SOX5: variants seen among roughly 807,000 people sequenced by gnomAD.
The protein encoded by SOX5 is SRY-box transcription factor 5.
Under a neutral mutation model 92.0 loss-of-function variants are expected in SOX5, and 9 were observed. The ratio of observed to expected loss-of-function variants is 0.10; its 90% CI spans 0.06 to 0.17. SOX5 has a LOEUF of 0.17. SOX5 is among the 10% of genes least tolerant of loss of function. The pLI, the probability that SOX5 is intolerant of heterozygous loss-of-function variation, is 1.00. For synonymous variants in SOX5, 344 were observed against 336.3 expected (o/e 1.02, Z -0.25); for missense variants, 642 against 944.5 (o/e 0.68, Z 4.20).
chr12:23,631,545 T>C (rs768545215), intron 8 of SOX5, among the ~76,000 whole-genome samples: 4 of 152,146 alleles, frequency 2.6e-5, no homozygotes, highest in Admixed American at 6.6e-5. Context: ...TTCTTTTATG[T>C]ATGTTTATTA....
chr12:23,831,402 T>G (rs967070759), intron 3 of SOX5, among the ~76,000 whole-genome samples: 3 of 152,024 alleles, frequency 2.0e-5, no homozygotes, highest in African/African-American at 7.2e-5. Flanking sequence ...AAGTGGGTGT[T>G]TTAGGATATT....
rs5797062 is a variant in SOX5, at chr12:24,094,454, CTTTT to C, written c.-2+118885_-2+118888del. The stretch of plus-strand genomic sequence containing the variant: ...TCCAATACCTCTCCACTATTAGTGG[CTTTT>C]TTTTTTTTTTTTGTATTTATTTAGA... On this transcript the variant is annotated intron_variant, in intron 4 of 4. Coordinates refer to the SOX5 transcript ENST00000446891. 8.6e-5 allele frequency among the ~76,000 whole-genome samples: 11 copies of C among 127,734 alleles called. No individual in the cohort carries two copies. In the East Asian group the frequency reaches 2.0e-3, roughly 24 times the overall value. The allele number at this position is 127,734 out of a possible 152,430, so 83.8% of individuals were successfully genotyped here.
chr12:23,570,905 C>A (rs1948074480), intron 10 of SOX5, among the ~76,000 whole-genome samples: 1 of 60,334 alleles, frequency 1.7e-5, no homozygotes, highest in Admixed American at 2.3e-4. Context: ...AGCAAGACTC[C>A]AACTCAAAAA....
At chr12:24,162,746 C>A (rs1370059433) in intron 4 of SOX5, among the ~76,000 whole-genome samples, 1 of 152,054 alleles carries the variant, frequency 6.6e-6, no homozygotes, top group Admixed American at 6.6e-5. Context: ...CCTTTTCTCT[C>A]AAGGTTATGG....
intron 3 of SOX5, among the ~76,000 whole-genome samples, chr12:24,239,569 TA>T (rs1405940966): frequency 6.6e-6 from 1 of 152,148 alleles, no homozygotes; most frequent in Non-Finnish European, 1.5e-5. Context: ...TGTGACCAGG[TA>T]ATACTGTCTG....
chr12:24,107,686 G>C (rs1331674825), intron 4 of SOX5, among the ~76,000 whole-genome samples: 2 of 152,192 alleles, frequency 1.3e-5, no homozygotes, highest in Non-Finnish European at 2.9e-5. Context: ...AGAGGATGAA[G>C]ACCTTGATAT....
intron 4 of SOX5, among the ~76,000 whole-genome samples, chr12:24,088,134 C>T (rs2137722792): frequency 6.6e-6 from 1 of 151,464 alleles, no homozygotes; most frequent in East Asian, 1.9e-4. Flanking sequence ...TCATTAATCT[C>T]ATCTTTAAAA....
chr12:23,585,581 G>T (rs1950611044), intron 9 of SOX5, among the ~76,000 whole-genome samples: 1 of 152,118 alleles, frequency 6.6e-6, no homozygotes, highest in Non-Finnish European at 1.5e-5. Context: ...CTTTAACCTA[G>T]ACTGAGTTCC....
chr12:24,326,232 T>G (rs1447961209), intron 2 of SOX5, among the ~76,000 whole-genome samples: 1 of 152,126 alleles, frequency 6.6e-6, no homozygotes, highest in African/African-American at 2.4e-5. Context: ...ATTCATGCCA[T>G]TCCTTATATA....
At chr12:24,529,434 A>G (rs1950984135) in intron 1 of SOX5, among the ~76,000 whole-genome samples, 2 of 152,250 alleles carry the variant, frequency 1.3e-5, no homozygotes, top group South Asian at 4.1e-4. Flanking sequence ...ATAATGAGAT[A>G]TAAATACTCA....
intron 1 of SOX5, among the ~76,000 whole-genome samples, chr12:23,948,112 AG>A (rs1944918122): frequency 6.6e-6 from 1 of 152,086 alleles, no homozygotes; most frequent in Non-Finnish European, 1.5e-5. Context: ...TGCAAATAAA[AG>A]CTCACTAATT....
intron 3 of SOX5, among the ~76,000 whole-genome samples, chr12:24,220,227 T>C (rs1436547290): frequency 1.3e-5 from 2 of 152,036 alleles, no homozygotes; most frequent in African/African-American, 2.4e-5. Flanking sequence ...ATCATTATCA[T>C]CAAGTAGATA....
At chr12:24,074,780 A>C (rs577613345) in intron 4 of SOX5, among the ~76,000 whole-genome samples, 6 of 152,152 alleles carry the variant, frequency 3.9e-5, no homozygotes, top group South Asian at 4.1e-4. Flanking sequence ...CATTTATCAC[A>C]CTTCTCTTGA....
At chr12:23,626,500 T>C (rs1453378430) in intron 8 of SOX5, among the ~76,000 whole-genome samples, 1 of 152,102 alleles carries the variant, frequency 6.6e-6, no homozygotes, top group Non-Finnish European at 1.5e-5. Flanking sequence ...ATTTTCAAGG[T>C]TCCAAAGCAT....
intron 4 of SOX5, among the ~76,000 whole-genome samples, chr12:24,164,857 A>G (rs1271151504): frequency 2.6e-5 from 4 of 152,042 alleles, no homozygotes; most frequent in Non-Finnish European, 5.9e-5. Flanking sequence ...TCTTTATGAC[A>G]TATTTTCCTG....
At chr12:24,467,024 T>C (rs528426285) in intron 1 of SOX5, among the ~76,000 whole-genome samples, 9 of 152,236 alleles carry the variant, frequency 5.9e-5, no homozygotes, top group Non-Finnish European at 1.2e-4. Flanking sequence ...AATTCTCTCA[T>C]ATGTAATTTA....
At chr12:23,792,554 C>A (rs889681312) in intron 3 of SOX5, among the ~76,000 whole-genome samples, 10 of 131,650 alleles carry the variant, frequency 7.6e-5, no homozygotes, top group Non-Finnish European at 1.5e-4. Context: ...ACCCAGGAGG[C>A]AGAGGTTGCA....
chr12:24,556,219 T>C (rs141606634), intron 1 of SOX5, among the ~76,000 whole-genome samples: 16 of 152,270 alleles, frequency 1.1e-4, no homozygotes, highest in African/African-American at 3.9e-4. Flanking sequence ...TCTTGGCAAC[T>C]GCTTCTTCAG....
chr12:24,082,287 A>G lies in SOX5; in HGVS notation c.-2+131056T>C, dbSNP rs182895212. Among the ~76,000 whole-genome samples, 928 of 151,392 alleles carry G rather than the reference A, an allele frequency of 6.1e-3. 13 individuals are homozygous for G. The highest frequency in any genetic ancestry group is 0.022 in the African/African-American group (895 of 41,276). On this transcript the variant is annotated intron_variant, in intron 4 of 4. Transcript: ENST00000446891. ...ACTCACTGTTTCCCTGTGAACCACC[A>G]TGTCTGTGCCCCACAAGCACTATTT...
Sources: gnomAD v4.1 joint callset for allele counts (sites outside exome capture counted in the v4.1 genomes callset) on GRCh38, gnomAD v4.1.1 for gene constraint, MANE v1.5 for transcripts, NCBI Gene and HGNC (gene_info 2026-07-23, HGNC 2026-07-21) for gene names.